Variants in PDZD2 observed in about 807,000 individuals in gnomAD.
PDZD2 encodes the protein PDZ domain containing 2.
A neutral mutation model predicts 220.7 loss-of-function variants in PDZD2; 90 were observed. The observed-to-expected ratio is 0.41, with a 90% CI of 0.34 to 0.49. PDZD2 has a LOEUF of 0.49. Among genes scored for constraint, PDZD2 ranks in the 20% least tolerant of loss-of-function variants. PDZD2 has a pLI of 0.28. For missense variants in PDZD2, 3,174 were observed against 3,608.5 expected (o/e 0.88, Z 3.08); for synonymous variants, 1,375 against 1,450.5 (o/e 0.95, Z 1.18).
intron 2 of PDZD2, among the ~76,000 whole-genome samples, chr5:31,878,526 C>A (rs983693469): frequency 7.1e-6 from 1 of 140,628 alleles, no homozygotes; most frequent in Non-Finnish European, 1.5e-5. Flanking sequence ...ACGTACAGGT[C>A]CTTTTCTTTG....
intron 6 of PDZD2, among the ~76,000 whole-genome samples, chr5:32,012,825 A>T (rs750766237): frequency 6.6e-6 from 1 of 151,768 alleles, no homozygotes; most frequent in East Asian, 1.9e-4. Context: ...TACATGTTAT[A>T]TAATGTATTT....
At chr5:31,665,570 C>T (rs551815832) in intron 1 of PDZD2, among the ~76,000 whole-genome samples, 1 of 152,104 alleles carries the variant, frequency 6.6e-6, no homozygotes, top group South Asian at 2.1e-4. Context: ...GGGCGGTTTC[C>T]CCCATGCTGT....
intron 10 of PDZD2, among the ~76,000 whole-genome samples, chr5:32,056,457 G>A (rs1370769293): frequency 7.9e-5 from 12 of 152,186 alleles, no homozygotes. Flanking sequence ...AAGTTCATCT[G>A]TTCTTCTCTC....
intron 2 of PDZD2, among the ~76,000 whole-genome samples, chr5:31,956,953 C>T (rs1747769728): frequency 6.6e-6 from 1 of 152,034 alleles, no homozygotes. Flanking sequence ...TGCAGTGACA[C>T]GATCATACCT....
At chr5:32,060,857 C>A in intron 13 of PDZD2, 145 bp from the exon 14 acceptor site, 1 of 668,694 alleles carries the variant, frequency 1.5e-6, no homozygotes, top group Non-Finnish European at 2.4e-6. Context: ...TGCATTTTTA[C>A]ATGTATGCCA....
intron 2 of PDZD2, among the ~76,000 whole-genome samples, chr5:31,886,025 A>G (rs1358653561): frequency 6.6e-6 from 1 of 151,574 alleles, no homozygotes; most frequent in African/African-American, 2.4e-5. Context: ...TCAGCCTCCC[A>G]AGTAGCTGGG....
intron 7 of PDZD2, among the ~76,000 whole-genome samples, chr5:32,042,193 C>T (rs1294189488): frequency 3.3e-5 from 5 of 150,264 alleles, no homozygotes; most frequent in South Asian, 2.1e-4. Flanking sequence ...ATCCAGGAGG[C>T]GGAGCTTGCA....
At chr5:31,676,679 C>T (rs527819968) in intron 1 of PDZD2, among the ~76,000 whole-genome samples, 1 of 151,546 alleles carries the variant, frequency 6.6e-6, no homozygotes, top group Non-Finnish European at 1.5e-5. Context: ...CTCAGCCTCC[C>T]GAGTAGCTGG....
intron 2 of PDZD2, among the ~76,000 whole-genome samples, chr5:31,869,521 G>GTA (rs1375911877): frequency 1.4e-4 from 22 of 151,838 alleles, no homozygotes; most frequent in Non-Finnish European, 2.5e-4. Flanking sequence ...CCAAGATCAC[G>GTA]CCACTGCACT....
At chr5:32,070,967 C>T (rs1047413468) in intron 15 of PDZD2, among the ~76,000 whole-genome samples, 5 of 152,148 alleles carry the variant, frequency 3.3e-5, no homozygotes, top group African/African-American at 7.2e-5. Context: ...AGTCCAACTC[C>T]GTCTGAAAAT....
intron 1 of PDZD2, among the ~76,000 whole-genome samples, chr5:31,713,801 C>G (rs1246340704): frequency 6.6e-6 from 1 of 152,196 alleles, no homozygotes; most frequent in Non-Finnish European, 1.5e-5. Context: ...CCTGCCTTGG[C>G]CTCCCAAAGC....
intron 19 of PDZD2, among the ~76,000 whole-genome samples, chr5:32,078,796 C>T (rs557243823): frequency 6.0e-4 from 86 of 143,582 alleles, no homozygotes; most frequent in African/African-American, 2.3e-3. Flanking sequence ...CAGAACTAGA[C>T]CCAATCTCTG....
At chr5:31,721,378 G>T (rs1748779669) in intron 1 of PDZD2, among the ~76,000 whole-genome samples, 1 of 152,098 alleles carries the variant, frequency 6.6e-6, no homozygotes. Flanking sequence ...CACATAGTTG[G>T]CTTTGCTTGT....
chr5:31,877,768 C>T (rs1739439104), intron 2 of PDZD2, among the ~76,000 whole-genome samples: 1 of 152,188 alleles, frequency 6.6e-6, no homozygotes, highest in Non-Finnish European at 1.5e-5. Context: ...TGGCTCACTG[C>T]AACCTCTCCC....
intron 1 of PDZD2, among the ~76,000 whole-genome samples, chr5:31,712,861 G>T (rs1014759269): frequency 6.6e-6 from 1 of 152,210 alleles, no homozygotes; most frequent in African/African-American, 2.4e-5. Flanking sequence ...ATGCCAGAGG[G>T]TCTTTGCGTG....
At chr5:31,971,267 A>G (rs1749274276) in intron 2 of PDZD2, among the ~76,000 whole-genome samples, 1 of 152,208 alleles carries the variant, frequency 6.6e-6, no homozygotes, top group South Asian at 2.1e-4. Context: ...TGCTTCCAAG[A>G]TAGCACCTTG....
chr5:31,970,086 C>G (rs1371618639), intron 2 of PDZD2, among the ~76,000 whole-genome samples: 1 of 151,894 alleles, frequency 6.6e-6, no homozygotes, highest in African/African-American at 2.4e-5. Context: ...TTAGTGGAGA[C>G]AGGGTTTCTC....
At chr5:31,701,142 T>C (rs1561392167) in intron 1 of PDZD2, among the ~76,000 whole-genome samples, 1 of 152,180 alleles carries the variant, frequency 6.6e-6, no homozygotes, top group Non-Finnish European at 1.5e-5. Context: ...CCATGAATAT[T>C]TGTTCCATGG....
At chr5:31,816,352 G>A (rs1214390833) in intron 2 of PDZD2, among the ~76,000 whole-genome samples, 1 of 151,798 alleles carries the variant, frequency 6.6e-6, no homozygotes, top group Admixed American at 6.6e-5. Context: ...TCAAATTTGA[G>A]GACCTTATCT....
Sources: allele counts gnomAD v4.1 joint callset (sites outside exome capture counted in the v4.1 genomes callset), GRCh38; gene constraint gnomAD v4.1.1; transcripts MANE v1.5; gene names NCBI Gene and HGNC (gene_info 2026-07-23, HGNC 2026-07-21).